The following SAMD4A variants were observed in gnomAD, a reference collection of about 807,000 sequenced individuals.
The protein encoded by SAMD4A is protein Smaug homolog 1.
Under a neutral mutation model 81.3 loss-of-function variants are expected in SAMD4A, and 33 were observed. The observed-to-expected ratio is 0.41, with a 90% CI of 0.31 to 0.54. The LOEUF is 0.54. SAMD4A is among the 20% of genes least tolerant of loss of function. The pLI is 0.37. For synonymous variants in SAMD4A, 389 were observed against 382.1 expected (o/e 1.02, Z -0.21); for missense variants, 854 against 951.1 (o/e 0.90, Z 1.34).
intron 4 of SAMD4A, among the ~76,000 whole-genome samples, chr14:54,739,213 C>T (rs1555349387): frequency 6.6e-6 from 1 of 151,842 alleles, no homozygotes; most frequent in Non-Finnish European, 1.5e-5. Context: ...ATGCCCTATC[C>T]CCATTTTGGG....
Position 54,737,250 on chromosome 14 carries a change from T to C in SAMD4A, c.942T>C (p.Ala314=). 2 of 1,613,968 alleles carry C rather than the reference T, an allele frequency of 1.2e-6. No individual in the cohort carries two copies. Among genetic ancestry groups the C allele is most frequent in the Non-Finnish European group, 1.7e-6 (2 of 1,180,016 alleles). ...AACACTTAGAAGATCAGACCACTGC[T>C]CGTAACACATTCCAAGAAGAAGGTA... ...GSEHLEDQTT[A]RNTFQEEGSG... Residue 314 remains alanine (A), a synonymous_variant, in exon 4 of 13, where the codon GCT becomes GCC. Transcript: ENST00000554335.
In SAMD4A at chr14:54,748,799, A is replaced by C; in HGVS notation, c.980-16A>C. ...TCTCATTTCTCTCCCCATCTCTTGCACATCTTGCACCACAGATGTTCCAGC... is the reference window on the plus strand; with the variant it reads ...TCTCATTTCTCTCCCCATCTCTTGCCCATCTTGCACCACAGATGTTCCAGC... On this transcript the variant is annotated splice_polypyrimidine_tract_variant and intron_variant, in intron 4 of 12. Coordinates refer to ENST00000554335, the MANE Select transcript of SAMD4A (RefSeq NM_015589.6). 5 of 1,526,698 alleles carry C rather than the reference A, an allele frequency of 3.3e-6. No individual in the cohort carries two copies. The highest frequency in any genetic ancestry group is 4.4e-6 in the Non-Finnish European group (5 of 1,125,008). 94.6% of individuals were successfully genotyped at this position (1,526,698 alleles called of 1,614,324 possible).
chr14:54,791,594 G>A lies in SAMD4A; in HGVS notation c.*2650G>A, dbSNP rs2039260314. 1 of 151,968 alleles carries A rather than the reference G, an allele frequency of 6.6e-6. No homozygotes were observed. The highest frequency in any genetic ancestry group is 1.5e-5 in the Non-Finnish European group (1 of 68,008). 9.4% of individuals were successfully genotyped at this position (151,968 alleles called of 1,614,324 possible). A position where few individuals can be genotyped will look rare whatever the true frequency, so the allele number is the denominator to read the frequency against. On this transcript the variant is annotated 3_prime_UTR_variant, in exon 13 of 13. Coordinates refer to ENST00000554335, the MANE Select transcript of SAMD4A (RefSeq NM_015589.6). ...ATAATTCTTTTTTTAAAGAAGAAAA[G>A]CTTATTTTTCATTGACAGTGTATAG...
Position 54,760,363 on chromosome 14 carries a change from C to G in SAMD4A, c.1379C>G (p.Thr460Arg). The change falls in exon 7 of 13, where the codon ACG becomes AGG. Residue 460 changes from threonine (T) to arginine (R), a missense_variant. Coordinates refer to ENST00000554335, the MANE Select transcript of SAMD4A (RefSeq NM_015589.6). ...GATGGGGCCGCAGCCACTGGCGCCACGGCCACCCCCTCGGCCGGGGCCAGC... is the reference window on the plus strand; with the variant it reads ...GATGGGGCCGCAGCCACTGGCGCCAGGGCCACCCCCTCGGCCGGGGCCAGC... Reference protein sequence around the residue: ...CKDGAAATGATATPSAGASGG... With the variant: ...CKDGAAATGARATPSAGASGG... The G allele has an allele frequency of 6.4e-7, 1 of 1,573,388 alleles. No individual in the cohort carries two copies.
intron 2 of SAMD4A, among the ~76,000 whole-genome samples, chr14:54,572,859 T>A (rs2033171710): frequency 6.6e-6 from 1 of 152,248 alleles, no homozygotes; most frequent in East Asian, 1.9e-4. Context: ...TTTTTCTAAA[T>A]GATCAGAAAT....
chr14:54,630,011 T>C (rs1265465181), intron 2 of SAMD4A, among the ~76,000 whole-genome samples: 5 of 152,222 alleles, frequency 3.3e-5, no homozygotes, highest in Non-Finnish European at 7.3e-5. Context: ...CAGAATCTTC[T>C]TCCTTTTGGA....
chr14:54,775,629 GA>G (rs1483335586), intron 10 of SAMD4A, among the ~76,000 whole-genome samples: 1 of 152,082 alleles, frequency 6.6e-6, no homozygotes, highest in Non-Finnish European at 1.5e-5. Flanking sequence ...GTTTAGAGCT[GA>G]CTTCTCTGGC....
At chr14:54,747,003 A>G (rs1438118886) in intron 4 of SAMD4A, among the ~76,000 whole-genome samples, 1 of 152,206 alleles carries the variant, frequency 6.6e-6, no homozygotes, top group Non-Finnish European at 1.5e-5. Context: ...GCCTGGTGAA[A>G]TAGCTCCAGG....
At chr14:54,634,478 T>A (rs1349286668) in intron 2 of SAMD4A, among the ~76,000 whole-genome samples, 2 of 151,884 alleles carry the variant, frequency 1.3e-5, no homozygotes, top group Non-Finnish European at 2.9e-5. Context: ...GCCAGGGTAG[T>A]GGGGACAGGG....
intron 2 of SAMD4A, among the ~76,000 whole-genome samples, chr14:54,697,427 T>C (rs7155519): frequency 0.53 from 80,386 of 151,912 alleles, 21,799 homozygotes; most frequent in Non-Finnish European, 0.56. Flanking sequence ...GACAAATCAT[T>C]ATCACAGATT....
chr14:54,616,038 T>C (rs2034482667), intron 2 of SAMD4A, among the ~76,000 whole-genome samples: 1 of 152,232 alleles, frequency 6.6e-6, no homozygotes, highest in Non-Finnish European at 1.5e-5. Context: ...CTATCTAATA[T>C]ATGGTGTATC....
chr14:54,584,205 A>G (rs565208993), intron 2 of SAMD4A, among the ~76,000 whole-genome samples: 1 of 152,354 alleles, frequency 6.6e-6, no homozygotes, highest in South Asian at 2.1e-4. Flanking sequence ...ATTCAAATAA[A>G]GCATTGCATT....
upstream of SAMD4A, among the ~76,000 whole-genome samples, chr14:54,566,068 G>A (rs2032921256): frequency 6.6e-6 from 1 of 152,030 alleles, no homozygotes; most frequent in African/African-American, 2.4e-5. Flanking sequence ...AATGGTGTAT[G>A]TTAATCAGTA....
At chr14:54,666,577 C>T (rs1319433002) in intron 2 of SAMD4A, among the ~76,000 whole-genome samples, 1 of 152,170 alleles carries the variant, frequency 6.6e-6, no homozygotes, top group East Asian at 1.9e-4. Context: ...CAAGAGTCAA[C>T]TGTAATTGTT....
chr14:54,675,367 C>CAA lies in SAMD4A; in HGVS notation c.197-26676_197-26675dup, dbSNP rs59110762. On this transcript the variant is annotated intron_variant, in intron 2 of 12. Transcript: ENST00000554335. ...GGCAACAAGAGTGAAACTCCGTCTC[C>CAA]AAAAAAAAAAAAAAAAAAAAGGCAG... is the stretch of plus-strand genomic sequence containing the variant. Among the ~76,000 whole-genome samples the CAA allele has an allele frequency of 2.1e-4, 16 of 75,384 alleles. 1 individual carries two copies. The highest frequency in any genetic ancestry group is 6.1e-4 in the East Asian group (1 of 1,634). The allele number at this position is 75,384 out of a possible 152,430, so 49.5% of individuals were successfully genotyped here. A position where few individuals can be genotyped will look rare whatever the true frequency, so the allele number is the denominator to read the frequency against.
chr14:54,664,042 A>C (rs1440496904), intron 2 of SAMD4A, among the ~76,000 whole-genome samples: 2 of 152,256 alleles, frequency 1.3e-5, no homozygotes, highest in Non-Finnish European at 2.9e-5. Flanking sequence ...CCTTGAAAAG[A>C]CTTGTTAATG....
At chr14:54,647,268 G>A (rs1197227554) in intron 2 of SAMD4A, among the ~76,000 whole-genome samples, 1 of 152,208 alleles carries the variant, frequency 6.6e-6, no homozygotes, top group Non-Finnish European at 1.5e-5. Context: ...ATTTGCAGGT[G>A]TCATCACGTT....
chr14:54,567,426 T>C (rs1009024703), intron 1 of SAMD4A, 70 bp from the exon 2 acceptor site: 4 of 158,644 alleles, frequency 2.5e-5, no homozygotes, highest in Non-Finnish European at 5.5e-5. Context: ...CACCCTCTGA[T>C]GCCCTCGTCC....
intron 8 of SAMD4A, among the ~76,000 whole-genome samples, chr14:54,765,124 G>T (rs8019137): frequency 0.019 from 2,951 of 152,224 alleles, 102 homozygotes; most frequent in African/African-American, 0.068. Flanking sequence ...GCATGGCGGG[G>T]CTAGGCAGCC....
Sources: allele counts gnomAD v4.1 joint callset (sites outside exome capture counted in the v4.1 genomes callset), GRCh38; gene constraint gnomAD v4.1.1; transcripts MANE v1.5; gene names NCBI Gene and HGNC (gene_info 2026-07-23, HGNC 2026-07-21).